F12: variants seen among roughly 807,000 people sequenced by gnomAD.
The protein encoded by F12 is Hageman factor.
Under a neutral mutation model 74.8 loss-of-function variants are expected in F12, and 70 were observed. The ratio of observed to expected loss-of-function variants is 0.94; its 90% confidence interval spans 0.77 to 1.14. The LOEUF is 1.14. F12 is among the 50% of genes most tolerant of loss of function. The pLI is 0.00. For synonymous variants in F12, 373 were observed against 356.4 expected (o/e 1.05, Z -0.52); for missense variants, 811 against 835.7 (o/e 0.97, Z 0.36).
At position 177,404,394 on chromosome 5, in the gene F12, G is replaced by C; in HGVS notation, c.820C>G (p.Arg274Gly). ...AFCRNPDNDIRPWCFVLNRDR... is the reference protein window; with the variant it reads ...AFCRNPDNDIGPWCFVLNRDR... ...CGGTTCAGCACGAAGCACCACGGGC[G>C]GATGTCGTTGTCCGGGTTCCTGTAG... The change falls in exon 9 of 14, where the codon CGC becomes GGC. Residue 274 changes from arginine (R) to glycine (G), a missense_variant. Arg to Gly is a moderately radical substitution (Grantham distance 125, BLOSUM62 -2). Coordinates refer to ENST00000253496, the MANE Select transcript of F12 (RefSeq NM_000505.4). The C allele has an allele frequency of 6.2e-7, 1 of 1,612,018 alleles. No individual in the cohort carries two copies. Among genetic ancestry groups the C allele is most frequent in the South Asian group, 1.1e-5 (1 of 91,012 alleles).
intron 12 of F12, 163 bp from the exon 13 acceptor site, chr5:177,402,861 A>C: frequency 9.9e-7 from 1 of 1,007,732 alleles, no homozygotes; most frequent in Non-Finnish European, 1.5e-6. Context: ...ATAGGCAAGG[A>C]GGCTGAGGTC....
rs1244081463 is a variant in F12 at position 177,404,261 on chromosome 5, G to A, written c.953C>T (p.Ala318Val). ...CTGAGGCTTCGGCGGTGCCGGCTGC[G>A]CGGGCATGAGTGGGACATGAAGCCT... ...SPRLHVPLMP[A>V]QPAPPKPQPT... The change falls in exon 9 of 14, where the codon GCG (alanine) becomes GTG (valine). Residue 318 changes from alanine to valine, a missense_variant. Physicochemically the swap from Ala to Val is moderately conservative, Grantham distance 64 (BLOSUM62 0). Transcript: ENST00000253496. 6.3e-7 allele frequency: 1 copy of A among 1,595,546 alleles called. No individual in the cohort carries two copies.
At chr5:177,402,823 G>A in intron 12 of F12, 125 bp from the exon 13 acceptor site, 7 of 1,358,694 alleles carry the variant, frequency 5.2e-6, no homozygotes, top group African/African-American at 1.4e-5. Flanking sequence ...CAAGCCCGAA[G>A]GGGAGGAGGT....
rs1359066620 is a variant in F12 at position 177,406,350 on chromosome 5, G to A, written c.116-289C>T. ...AAAAATACAAAAAAATTAGCTGGGG[G>A]TGGTGGCAGGTGCCTGTAGTCCCAG... On this transcript the variant is annotated intron_variant, in intron 2 of 13. Coordinates refer to ENST00000253496, the MANE Select transcript of F12 (RefSeq NM_000505.4). 1.1e-4 allele frequency among the ~76,000 whole-genome samples: 16 copies of A among 152,300 alleles called. No homozygotes were observed. In the East Asian group the frequency reaches 1.9e-3, roughly 18 times the overall value.
intron 12 of F12, chr5:177,402,916 C>G: frequency 2.8e-6 from 2 of 702,336 alleles, no homozygotes; most frequent in Non-Finnish European, 4.7e-6. Flanking sequence ...AAACAGAAAC[C>G]CCTCCCCCAC....
chr5:177,405,857 T>C, intron 3 of F12, 52 bp from the exon 4 acceptor site: 1 of 1,605,402 alleles, frequency 6.2e-7, no homozygotes, highest in Non-Finnish European at 8.5e-7. Context: ...TGGCCCACCC[T>C]GCCCTATCAC....
chr5:177,407,328 TG>T (rs1221477563), intron 2 of F12, among the ~76,000 whole-genome samples: 3 of 152,200 alleles, frequency 2.0e-5, no homozygotes, highest in African/African-American at 7.2e-5. Context: ...GGAATTGTCG[TG>T]GGGCTTCATG....
chr5:177,404,065 C>G lies in F12; in HGVS notation c.1044G>C (p.Pro348=). 6.2e-7 allele frequency: 1 copy of G among 1,602,366 alleles called. No homozygotes were observed. Among genetic ancestry groups the G allele is most frequent in the South Asian group, 1.1e-5 (1 of 90,880 alleles). ...GTGGGCCGTTCCTGGTCAGGGAAGGCGGCTGCTCCCGCTTCGCCGGCAAGG... is the reference window on the plus strand; with the variant it reads ...GTGGGCCGTTCCTGGTCAGGGAAGGGGGCTGCTCCCGCTTCGCCGGCAAGG... ...PGALPAKREQ[P]PSLTRNGPLS... is the part of the protein sequence containing the mutation. The change falls in exon 10 of 14, where the codon CCG becomes CCC. Residue 348 remains proline (P), a synonymous_variant. Transcript: ENST00000253496.
intron 5 of F12, 29 bp from the exon 6 acceptor site, chr5:177,405,214 G>T: frequency 6.2e-7 from 1 of 1,613,050 alleles, no homozygotes. Flanking sequence ...AGTGGTCTCA[G>T]GAGAGTCTAG....
At position 177,404,792 on chromosome 5, in the gene F12, C is replaced by T; in HGVS notation, c.634+18G>A. ...CACCTGGGGGCTGGCCTTCTGCTTGCCCCAGACCCTCACTCACCCACGTCG... is the reference window on the plus strand; with the variant it reads ...CACCTGGGGGCTGGCCTTCTGCTTGTCCCAGACCCTCACTCACCCACGTCG... On this transcript the variant is annotated intron_variant, in intron 7 of 13. Coordinates refer to ENST00000253496, the MANE Select transcript of F12 (RefSeq NM_000505.4). 1 of 1,594,770 alleles carries T rather than the reference C, an allele frequency of 6.3e-7. No individual in the cohort carries two copies. Among genetic ancestry groups the T allele is most frequent in the Non-Finnish European group, 8.5e-7 (1 of 1,171,494 alleles).
chr5:177,403,845 G>A lies in F12; in HGVS notation c.1250+14C>T, dbSNP rs766895370. On this transcript the variant is annotated intron_variant, in intron 10 of 13. Transcript: ENST00000253496. ...CGCGGCCCCTGGGGCGGCTCTGGGC[G>A]GGCGGGTACTCGCCGGTCCTGCAGG... 2.0e-6 allele frequency: 3 copies of A among 1,512,160 alleles called. No homozygotes were observed. The South Asian group carries it at 3.7e-5, about 19-fold the overall frequency. 93.7% of individuals were successfully genotyped at this position (1,512,160 alleles called of 1,614,324 possible).
chr5:177,405,766 C>A lies in F12; in HGVS notation c.255G>T (p.Trp85Cys). The change falls in exon 4 of 14, where the codon TGG (tryptophan) becomes TGT (cysteine). Residue 85 changes from tryptophan to cysteine, a missense_variant. Physicochemically the swap from Trp to Cys is radical, Grantham distance 215. Transcript: ENST00000253496. Reference sequence around the variant, plus strand: ...CTTTCTTGGGCTCCAAACAGTATCCCCATCGCTGGTCCTGATCAAAGTTGG... The same window carrying A: ...CTTTCTTGGGCTCCAAACAGTATCCACATCGCTGGTCCTGATCAAAGTTGG... ...TTPNFDQDQR[W>C]GYCLEPKKVK... 6.2e-7 allele frequency: 1 copy of A among 1,614,188 alleles called. No individual in the cohort carries two copies. Among genetic ancestry groups the A allele is most frequent in the Non-Finnish European group, 8.5e-7 (1 of 1,180,032 alleles).
Position 177,402,475 on chromosome 5 carries a change from G to A in F12, c.1681-16C>T. On this transcript the variant is annotated splice_polypyrimidine_tract_variant and intron_variant, in intron 13 of 13. Coordinates refer to ENST00000253496, the MANE Select transcript of F12 (RefSeq NM_000505.4). The stretch of plus-strand genomic sequence containing the variant: ...CGGAATCACCCTGGGTCGGAAACAC[G>A]CAGCTCAGCGCTGTGGACCTGAGAT... The A allele has an allele frequency of 1.2e-6, 2 of 1,600,024 alleles. No homozygotes were observed. The highest frequency in any genetic ancestry group is 1.7e-6 in the Non-Finnish European group (2 of 1,173,806).
intron 3 of F12, 78 bp downstream of exon 3, chr5:177,405,884 G>C (rs922800717): frequency 4.4e-6 from 7 of 1,600,646 alleles, no homozygotes; most frequent in African/African-American, 2.7e-5. Flanking sequence ...CTCTCTCCAA[G>C]CAGAGTTCCT....
rs950991172 is a variant in F12 at position 177,407,205 on chromosome 5, G to T, written c.116-1144C>A. Among the ~76,000 whole-genome samples the T allele has an allele frequency of 2.6e-5, 4 of 152,210 alleles. No homozygotes were observed. In the South Asian group the frequency reaches 8.3e-4, roughly 32 times the overall value. ...TTATATGCTGTTGGTTGATGAAAATGTTGTGACCAGAGGCTCACAGGAACC... is the reference window on the plus strand; with the variant it reads ...TTATATGCTGTTGGTTGATGAAAATTTTGTGACCAGAGGCTCACAGGAACC... On this transcript the variant is annotated intron_variant, in intron 2 of 13. Coordinates refer to ENST00000253496, the MANE Select transcript of F12 (RefSeq NM_000505.4).
Position 177,405,561 on chromosome 5 carries a change from T to A in F12, c.287-128A>T, listed in dbSNP as rs192433949. 12 of 1,230,592 alleles carry A rather than the reference T, an allele frequency of 9.8e-6. No homozygotes were observed. In the South Asian group the frequency reaches 1.1e-4, roughly 12 times the overall value. The allele number at this position is 1,230,592 out of a possible 1,614,324, so 76.2% of individuals were successfully genotyped here. ...AGTTTCCAAGCTTGGTTTACCCACC[T>A]GCAAAATGGGACCACTCCTTCCCAG... On this transcript the variant is annotated intron_variant, in intron 4 of 13. Transcript: ENST00000253496.
chr5:177,409,423 G>C lies in F12; in HGVS notation c.57+48C>G, dbSNP rs770734823. On this transcript the variant is annotated intron_variant, in intron 1 of 13. Transcript: ENST00000253496. ...GGCCATGGCTCATGGCTGTGATAGCGACCCCCCAGAACAATCCTGGGACAA... is the reference window on the plus strand; with the variant it reads ...GGCCATGGCTCATGGCTGTGATAGCCACCCCCCAGAACAATCCTGGGACAA... The C allele has an allele frequency of 1.3e-6, 2 of 1,599,588 alleles. 1 individual carries two copies. Among genetic ancestry groups the C allele is most frequent in the East Asian group, 4.5e-5 (2 of 44,762 alleles).
chr5:177,403,320 T>C lies in F12; in HGVS notation c.1465A>G (p.Ser489Gly). ...SPYVQPVCLPSGAARPSETTL... is the reference protein window; with the variant it reads ...SPYVQPVCLPGGAARPSETTL... ...GTCTCGGAGGGTCGCGCGGCGCCGCTTGGCAGGCACACCGGCTGAACGTAA... is the reference window on the plus strand; with the variant it reads ...GTCTCGGAGGGTCGCGCGGCGCCGCCTGGCAGGCACACCGGCTGAACGTAA... Residue 489 changes from serine (S) to glycine (G), a missense_variant, in exon 12 of 14, where the codon AGC (serine) becomes GGC (glycine). Coordinates refer to ENST00000253496, the MANE Select transcript of F12 (RefSeq NM_000505.4). The C allele has an allele frequency of 6.3e-7, 1 of 1,598,648 alleles. No homozygotes were observed.
chr5:177,402,537 G>C lies in F12; in HGVS notation c.1680+13C>G. ...GGCCTCGGGGAAGGGCGCCAACCGGGCTAAGAGCTCACCTGGCACGCATCG... is the reference window on the plus strand; with the variant it reads ...GGCCTCGGGGAAGGGCGCCAACCGGCCTAAGAGCTCACCTGGCACGCATCG... On this transcript the variant is annotated intron_variant, in intron 13 of 13. Transcript: ENST00000253496. 1 of 1,608,494 alleles carries C rather than the reference G, an allele frequency of 6.2e-7. No homozygotes were observed. The highest frequency in any genetic ancestry group is 1.1e-5 in the South Asian group (1 of 90,302).
Sources: allele counts gnomAD v4.1 joint callset (sites outside exome capture counted in the v4.1 genomes callset), GRCh38; gene constraint gnomAD v4.1.1; transcripts MANE v1.5; gene names NCBI Gene and HGNC (gene_info 2026-07-23, HGNC 2026-07-21).